PAX5: variants seen among roughly 807,000 people sequenced by gnomAD.
The protein encoded by PAX5 is paired box protein Pax-5.
PAX5 carries 9 observed loss-of-function variants against 43.7 expected under a neutral mutation model. The ratio of observed to expected loss-of-function variants is 0.21; its 90% CI spans 0.12 to 0.36. The LOEUF is 0.36. PAX5 is among the 10% of genes least tolerant of loss of function. PAX5 has a pLI of 1.00. For missense variants in PAX5, 383 were observed against 532.7 expected (o/e 0.72, Z 2.77); for synonymous variants, 228 against 214.3 (o/e 1.06, Z -0.56).
chr9:36,972,977 G>A (rs1240897979), intron 5 of PAX5, among the ~76,000 whole-genome samples: 5 of 151,108 alleles, frequency 3.3e-5, no homozygotes, highest in African/African-American at 4.9e-5. Flanking sequence ...GCAGTGAGCC[G>A]AGATTGTGCC....
At chr9:36,856,477 C>A (rs1041518778) in intron 8 of PAX5, 1 of 152,192 alleles carries the variant, frequency 6.6e-6, no homozygotes, top group Non-Finnish European at 1.5e-5. Context: ...CAGTTCGGCT[C>A]ACTTCAAAAG....
In PAX5 at chr9:36,951,497, C is replaced by T. The variant is rs77708067; in HGVS notation, c.780+15052G>A. ...TCTTTGTCTTTGAGCATACTTTGGG[C>T]CTTAAAGTTTATATCATCTGATAAT... On this transcript the variant is annotated intron_variant, in intron 6 of 9. Transcript: ENST00000358127. 5.2e-3 allele frequency among the ~76,000 whole-genome samples: 789 copies of T among 152,250 alleles called. 4 individuals are homozygous for T. Among genetic ancestry groups the T allele is most frequent in the African/African-American group, 0.018 (752 of 41,536 alleles).
intron 8 of PAX5, among the ~76,000 whole-genome samples, chr9:36,856,376 T>C (rs919346564): frequency 6.6e-6 from 1 of 152,188 alleles, no homozygotes; most frequent in Non-Finnish European, 1.5e-5. Context: ...GCAGGTCCCA[T>C]GAGTGAAAAG....
chr9:36,966,052 G>A (rs929712026), intron 6 of PAX5, among the ~76,000 whole-genome samples: 1 of 152,234 alleles, frequency 6.6e-6, no homozygotes, highest in Admixed American at 6.5e-5. Context: ...TTTATCTCCA[G>A]AATTTTGGAT....
intron 6 of PAX5, among the ~76,000 whole-genome samples, chr9:36,925,969 T>C (rs1468212675): frequency 1.3e-5 from 2 of 152,172 alleles, no homozygotes; most frequent in African/African-American, 4.8e-5. Flanking sequence ...GTCTTCACAA[T>C]TGCATCAAAA....
chr9:36,996,042 CG>C (rs1837365316), intron 5 of PAX5, among the ~76,000 whole-genome samples: 1 of 152,246 alleles, frequency 6.6e-6, no homozygotes, highest in African/African-American at 2.4e-5. Flanking sequence ...CTGGATGCCC[CG>C]GGCTCCCGGC....
At chr9:36,946,731 T>C (rs574097266) in intron 6 of PAX5, among the ~76,000 whole-genome samples, 23 of 152,344 alleles carry the variant, frequency 1.5e-4, no homozygotes, top group African/African-American at 3.8e-4. Context: ...AAGTCCATTT[T>C]GAGTTACTTG....
At chr9:36,849,859 C>T (rs1469082934) in intron 8 of PAX5, among the ~76,000 whole-genome samples, 1 of 152,180 alleles carries the variant, frequency 6.6e-6, no homozygotes, top group Non-Finnish European at 1.5e-5. Context: ...GTGAGGCTGA[C>T]CTAGAGGCTG....
intron 1 of PAX5, among the ~76,000 whole-genome samples, chr9:37,032,586 C>T (rs183654693): frequency 2.4e-4 from 36 of 152,202 alleles, no homozygotes; most frequent in Non-Finnish European, 4.6e-4. Context: ...CAGAAGTTGT[C>T]CTGGGCTTGG....
chr9:36,990,213 T>G (rs1219561249), intron 5 of PAX5, among the ~76,000 whole-genome samples: 3 of 152,208 alleles, frequency 2.0e-5, no homozygotes, highest in Non-Finnish European at 4.4e-5. Context: ...CATAATCTCA[T>G]TCAATTCATA....
intron 6 of PAX5, among the ~76,000 whole-genome samples, chr9:36,924,946 T>A (rs1167713440): frequency 6.6e-6 from 1 of 150,810 alleles, no homozygotes; most frequent in African/African-American, 2.4e-5. Context: ...GCATTGCTGA[T>A]GGAGGACACA....
intron 5 of PAX5, among the ~76,000 whole-genome samples, chr9:36,994,190 A>G (rs1837194597): frequency 6.6e-6 from 1 of 152,158 alleles, no homozygotes; most frequent in African/African-American, 2.4e-5. Flanking sequence ...GGCCTCCAGC[A>G]GTTGTCTATC....
chr9:36,844,992 T>A (rs1050243287), intron 9 of PAX5, among the ~76,000 whole-genome samples: 24 of 152,202 alleles, frequency 1.6e-4, no homozygotes, highest in Non-Finnish European at 3.5e-4. Flanking sequence ...ATGAGAAAAA[T>A]GTGTCCCTTT....
chr9:36,941,184 C>T (rs1463550657), intron 6 of PAX5, among the ~76,000 whole-genome samples: 1 of 152,216 alleles, frequency 6.6e-6, no homozygotes, highest in Non-Finnish European at 1.5e-5. Flanking sequence ...AACCCCAGCA[C>T]CACCCATCAC....
Position 36,839,836 on chromosome 9 carries a change from G to T in PAX5, c.*724C>A. 1 of 233,784 alleles carries T rather than the reference G, an allele frequency of 4.3e-6. No individual in the cohort carries two copies. Among genetic ancestry groups the T allele is most frequent in the Non-Finnish European group, 8.4e-6 (1 of 118,406 alleles). 14.5% of individuals were successfully genotyped at this position (233,784 alleles called of 1,614,324 possible). On this transcript the variant is annotated 3_prime_UTR_variant, in exon 10 of 10. Transcript: ENST00000358127. Reference sequence around the variant, plus strand: ...GAAAAGAGCTGCTGATACTGCATCGGTCCCAGAGAAATGGAGGCAGGAAAC... The same window carrying T: ...GAAAAGAGCTGCTGATACTGCATCGTTCCCAGAGAAATGGAGGCAGGAAAC...
chr9:36,834,417 A>AGTGTGTGTGT lies in PAX5; in HGVS notation c.*6133_*6142dup, dbSNP rs56175234. The AGTGTGTGTGT allele has an allele frequency of 2.4e-4, 54 of 224,196 alleles. No homozygotes were observed. The highest frequency in any genetic ancestry group is 8.7e-4 in the African/African-American group (38 of 43,514). The allele number at this position is 224,196 out of a possible 1,614,324, so 13.9% of individuals were successfully genotyped here. ...TGTCTGAGGTGTAGGGGAGTGAGTGAGTGTGTGTGTGTGTGTGTGTGTGTG... is the reference window on the plus strand; with the variant it reads ...TGTCTGAGGTGTAGGGGAGTGAGTGAGTGTGTGTGTGTGTGTGTGTGTGTGTGTGTGTGTG... On this transcript the variant is annotated 3_prime_UTR_variant, in exon 10 of 10. Transcript: ENST00000358127.
At chr9:36,879,888 T>C (rs1401043909) in intron 8 of PAX5, among the ~76,000 whole-genome samples, 1 of 152,098 alleles carries the variant, frequency 6.6e-6, no homozygotes, top group African/African-American at 2.4e-5. Context: ...GTGGTGTGTG[T>C]CCCACCACCT....
intron 8 of PAX5, among the ~76,000 whole-genome samples, chr9:36,869,429 C>A (rs1214261455): frequency 6.6e-6 from 1 of 152,240 alleles, no homozygotes; most frequent in East Asian, 1.9e-4. Flanking sequence ...CTCCCCTGCC[C>A]TAAGGGCAGC....
chr9:36,966,830 C>G (rs1025689118), intron 5 of PAX5, 106 bp from the exon 6 acceptor site: 1 of 980,606 alleles, frequency 1.0e-6, no homozygotes. Context: ...CCAACTCCCT[C>G]CCTGACCAGA....
Sources: gnomAD v4.1 joint callset for allele counts (sites outside exome capture counted in the v4.1 genomes callset) on GRCh38, gnomAD v4.1.1 for gene constraint, MANE v1.5 for transcripts, NCBI Gene and HGNC (gene_info 2026-07-23, HGNC 2026-07-21) for gene names.